KLF8: variants seen among roughly 807,000 people sequenced by gnomAD.
The protein encoded by KLF8 is KLF transcription factor 8.
In KLF8, 10 loss-of-function variants were observed where a neutral mutation model predicts 18.2. That is an observed-to-expected ratio of 0.55 (90% CI 0.34 to 0.93). KLF8 has a LOEUF of 0.93. KLF8 is among the 40% of genes least tolerant of loss of function. The pLI is 0.02. For missense variants in KLF8, 264 were observed against 277.9 expected, an observed-to-expected ratio of 0.95 and a Z score of 0.36; for synonymous variants, 109 against 97.3, an observed-to-expected ratio of 1.12 and a Z score of -0.71.
the KLF8 span, among the ~76,000 whole-genome samples, chrX:56,181,826 A>C: frequency 1.0e-5 from 1 of 99,252 alleles, no homozygotes; most frequent in Non-Finnish European, 2.0e-5. Context: ...CTGCCAAGAG[A>C]TCCACAGTCA....
the KLF8 span, among the ~76,000 whole-genome samples, chrX:56,047,883 C>T: frequency 8.0e-5 from 9 of 111,859 alleles, no homozygotes; most frequent in African/African-American, 2.9e-4. Context: ...GTCCCACCAA[C>T]AGTGTAAAAG....
At chrX:56,202,360 T>C in the KLF8 span, among the ~76,000 whole-genome samples, 1 of 111,098 alleles carries the variant, frequency 9.0e-6, no homozygotes, top group Non-Finnish European at 1.9e-5. Context: ...AGGCATGCGA[T>C]GTGAAAGAAG....
the KLF8 span, among the ~76,000 whole-genome samples, chrX:56,003,447 T>TA: frequency 9.7e-6 from 1 of 103,134 alleles, no homozygotes; most frequent in Non-Finnish European, 2.0e-5. Context: ...AATAAATAAA[T>TA]AAAAGTCTGA....
the KLF8 span, among the ~76,000 whole-genome samples, chrX:56,001,771 C>G: frequency 1.8e-5 from 2 of 111,890 alleles, no homozygotes; most frequent in African/African-American, 3.2e-5. Context: ...GCTCACATGT[C>G]AGTACTTATT....
chrX:56,125,842 CT>C, the KLF8 span, among the ~76,000 whole-genome samples: 1 of 111,703 alleles, frequency 9.0e-6, no homozygotes, highest in African/African-American at 3.3e-5. Context: ...TTCTCTGAAC[CT>C]CAGCTATATC....
chrX:55,936,611 G>A, the KLF8 span, among the ~76,000 whole-genome samples: 10 of 112,790 alleles, frequency 8.9e-5, no homozygotes, highest in African/African-American at 2.9e-4. Context: ...AGGGGTCAGG[G>A]AATTGCCTTT....
At chrX:56,236,736 T>A (rs2066479106) in intron 1 of KLF8, among the ~76,000 whole-genome samples, 1 of 110,364 alleles carries the variant, frequency 9.1e-6, no homozygotes, top group Admixed American at 9.8e-5. Flanking sequence ...AAAGTCTCCC[T>A]CCTATTCCTG....
chrX:55,990,197 A>G, the KLF8 span, among the ~76,000 whole-genome samples: 3 of 111,245 alleles, frequency 2.7e-5, no homozygotes, highest in African/African-American at 6.5e-5. Flanking sequence ...TTGTGTCTCT[A>G]TTTCCTTCAG....
chrX:55,927,861 A>G, the KLF8 span, among the ~76,000 whole-genome samples: 1 of 111,880 alleles, frequency 8.9e-6, no homozygotes, highest in Non-Finnish European at 1.9e-5. Flanking sequence ...ATACTAAGAA[A>G]AGTTGCAGAG....
chrX:56,210,796 T>C, the KLF8 span, among the ~76,000 whole-genome samples: 1 of 109,079 alleles, frequency 9.2e-6, no homozygotes, highest in East Asian at 2.9e-4. Flanking sequence ...AATTCTTTCT[T>C]CTGCTTGATG....
chrX:56,088,295 G>A, the KLF8 span, among the ~76,000 whole-genome samples: 2 of 111,594 alleles, frequency 1.8e-5, no homozygotes, highest in South Asian at 3.8e-4. Context: ...ATGAGAACTG[G>A]AGTTCTTTTC....
At chrX:56,254,592 T>C (rs1197569929) in intron 2 of KLF8, among the ~76,000 whole-genome samples, 1 of 110,653 alleles carries the variant, frequency 9.0e-6, no homozygotes, top group Non-Finnish European at 1.9e-5. Flanking sequence ...GAATCAAAGG[T>C]GGTTAATGTG....
chrX:56,022,793 T>C, the KLF8 span, among the ~76,000 whole-genome samples: 1 of 109,807 alleles, frequency 9.1e-6, no homozygotes, highest in Non-Finnish European at 1.9e-5. Flanking sequence ...TTATTCAACC[T>C]GTATGACAGC....
chrX:56,138,961 T>G, the KLF8 span, among the ~76,000 whole-genome samples: 9 of 110,975 alleles, frequency 8.1e-5, no homozygotes, highest in Admixed American at 1.9e-4. Flanking sequence ...ATAAACAACT[T>G]CAGGAAGGTT....
chrX:56,180,504 G>A, the KLF8 span, among the ~76,000 whole-genome samples: 2 of 110,582 alleles, frequency 1.8e-5, no homozygotes, highest in Non-Finnish European at 3.8e-5. Context: ...CCTTCTGCTA[G>A]CTTTTGAATG....
At chrX:55,980,029 T>C in the KLF8 span, among the ~76,000 whole-genome samples, 1 of 111,970 alleles carries the variant, frequency 8.9e-6, no homozygotes, top group Non-Finnish European at 1.9e-5. Flanking sequence ...TTTAAGGTGC[T>C]AGTTAGTATA....
the KLF8 span, among the ~76,000 whole-genome samples, chrX:56,200,213 G>A: frequency 8.2e-5 from 9 of 109,923 alleles, no homozygotes; most frequent in African/African-American, 1.6e-4. Context: ...CACATGTACC[G>A]TAGAAGTTAA....
At chrX:56,223,424 C>G in the KLF8 span, among the ~76,000 whole-genome samples, 1 of 112,272 alleles carries the variant, frequency 8.9e-6, no homozygotes, top group Non-Finnish European at 1.9e-5. Flanking sequence ...CTAACCTACC[C>G]CCAATACTAT....
At chrX:55,937,949 T>G in the KLF8 span, among the ~76,000 whole-genome samples, 1 of 112,086 alleles carries the variant, frequency 8.9e-6, no homozygotes, top group African/African-American at 3.2e-5. Flanking sequence ...CAAAACACTG[T>G]GCAGGCTATT....
Sources: gnomAD v4.1 joint callset for allele counts (sites outside exome capture counted in the v4.1 genomes callset) on GRCh38, gnomAD v4.1.1 for gene constraint, MANE v1.5 for transcripts, NCBI Gene and HGNC (gene_info 2026-07-23, HGNC 2026-07-21) for gene names.